PARVB: variants seen among roughly 807,000 people sequenced by gnomAD.
PARVB encodes parvin beta.
In PARVB, 46 loss-of-function variants were observed where a neutral mutation model predicts 47.0. That is an observed-to-expected ratio of 0.98 (90% CI 0.77 to 1.25). The LOEUF is 1.25. Ranked by LOEUF, PARVB falls within the 50% of genes most tolerant of loss-of-function variation. The probability of loss-of-function intolerance (pLI) is 0.00; values close to 1 mark genes in which losing one functional copy is unlikely to be tolerated. For missense variants in PARVB, 473 were observed against 471.6 expected, an observed-to-expected ratio of 1.00 and a Z score of -0.03; for synonymous variants, 196 against 196.3, an observed-to-expected ratio of 1.00 and a Z score of 0.01.
upstream of PARVB, among the ~76,000 whole-genome samples, chr22:44,020,176 C>CTTT (rs60438723): frequency 5.3e-3 from 723 of 136,172 alleles, 9 homozygotes; most frequent in African/African-American, 0.019. Flanking sequence ...ACAGTCACCA[C>CTTT]TTTTTTTTTT....
At chr22:44,060,957 G>T (rs879303721) in intron 1 of PARVB, among the ~76,000 whole-genome samples, 7 of 152,236 alleles carry the variant, frequency 4.6e-5, no homozygotes, top group East Asian at 1.9e-4. Flanking sequence ...TCTTTTTAAA[G>T]ATACGTTATT....
intron 2 of PARVB, among the ~76,000 whole-genome samples, chr22:44,000,887 G>T (rs1041999841): frequency 6.6e-6 from 1 of 152,184 alleles, no homozygotes; most frequent in African/African-American, 2.4e-5. Context: ...CTAGTCATTT[G>T]CAAAATACTG....
chr22:44,092,811 C>T (rs2052203590), intron 1 of PARVB, among the ~76,000 whole-genome samples: 1 of 152,252 alleles, frequency 6.6e-6, no homozygotes, highest in African/African-American at 2.4e-5. Context: ...AGCCATCATG[C>T]CACACCCCCT....
At chr22:44,065,626 C>T (rs1422774883) in intron 1 of PARVB, among the ~76,000 whole-genome samples, 1 of 152,174 alleles carries the variant, frequency 6.6e-6, no homozygotes, top group Non-Finnish European at 1.5e-5. Flanking sequence ...CCTCACCTAC[C>T]TCCCACCCTT....
chr22:44,169,288 C>A lies in PARVB; in HGVS notation c.*610C>A, dbSNP rs1475570074. 6.6e-6 allele frequency: 1 copy of A among 150,472 alleles called. No individual in the cohort carries two copies. The highest frequency in any genetic ancestry group is 1.5e-5 in the Non-Finnish European group (1 of 68,188). 9.3% of individuals were successfully genotyped at this position (150,472 alleles called of 1,614,324 possible). On this transcript the variant is annotated 3_prime_UTR_variant, in exon 13 of 13. Coordinates refer to ENST00000338758, the MANE Select transcript of PARVB (RefSeq NM_013327.5). The stretch of plus-strand genomic sequence containing the variant: ...TCCTCCACCCACATTCCTATCACTT[C>A]TTGGTCACTCGTTTTAATGTAGGTT...
At chr22:44,041,897 A>G (rs1304412972) in intron 1 of PARVB, among the ~76,000 whole-genome samples, 1 of 151,724 alleles carries the variant, frequency 6.6e-6, no homozygotes, top group Non-Finnish European at 1.5e-5. Context: ...AAATAAATAA[A>G]TAAATAAATA....
At chr22:44,040,662 A>G (rs2051002081) in intron 1 of PARVB, among the ~76,000 whole-genome samples, 1 of 152,176 alleles carries the variant, frequency 6.6e-6, no homozygotes, top group Non-Finnish European at 1.5e-5. Flanking sequence ...TGACACCTTG[A>G]TTTTAGCCAG....
rs34476853 is a variant in PARVB at position 44,093,970 on chromosome 22, C to T, written c.155C>T (p.Pro52Leu). 6.1e-5 allele frequency: 98 copies of T among 1,613,676 alleles called. 1 individual carries two copies. In the East Asian group the frequency reaches 7.1e-4, roughly 12 times the overall value. Residue 52 changes from proline (P) to leucine (L), a missense_variant, in exon 2 of 13, where the codon CCG becomes CTG. Coordinates refer to ENST00000338758, the MANE Select transcript of PARVB (RefSeq NM_013327.5). ...QEEGKNAINSPMSPALVDVHP... is the reference protein window; with the variant it reads ...QEEGKNAINSLMSPALVDVHP... Reference sequence around the variant, plus strand: ...GAAGGCAAGAATGCCATCAACTCACCGATGTCCCCCGCCCTGGTGGATGTT... The same window carrying T: ...GAAGGCAAGAATGCCATCAACTCACTGATGTCCCCCGCCCTGGTGGATGTT...
intron 1 of PARVB, chr22:44,086,697 T>G (rs1041195075): frequency 3.2e-6 from 3 of 951,294 alleles, no homozygotes; most frequent in Non-Finnish European, 3.8e-6. Flanking sequence ...AGCTGCAAGA[T>G]CTTCACTGAA....
chr22:44,122,574 G>GACAC (rs1569134611), intron 4 of PARVB, among the ~76,000 whole-genome samples: 4 of 107,490 alleles, frequency 3.7e-5, no homozygotes, highest in African/African-American at 1.6e-4. Context: ...GAGAGAGAGA[G>GACAC]AGAGAGAGAG....
At chr22:44,045,689 C>T (rs759308643) in intron 1 of PARVB, among the ~76,000 whole-genome samples, 13 of 152,204 alleles carry the variant, frequency 8.5e-5, no homozygotes, top group Non-Finnish European at 1.5e-4. Flanking sequence ...GTTGATGCTC[C>T]ATTGAATGAT....
chr22:44,084,742 C>T (rs531856084), intron 1 of PARVB, among the ~76,000 whole-genome samples: 7 of 152,154 alleles, frequency 4.6e-5, no homozygotes, highest in African/African-American at 7.2e-5. Context: ...CTGTGTCCCC[C>T]GAGGCAGCCA....
At position 44,049,614 on chromosome 22, in the gene PARVB, C is replaced by G. The variant is rs1346028164; in HGVS notation, c.112+25163C>G. Among the ~76,000 whole-genome samples, 2 of 152,248 alleles carry G rather than the reference C, an allele frequency of 1.3e-5. No individual in the cohort carries two copies. Among genetic ancestry groups the G allele is most frequent in the South Asian group, 2.1e-4 (1 of 4,836 alleles). On this transcript the variant is annotated intron_variant, in intron 1 of 12. Coordinates refer to ENST00000338758, the MANE Select transcript of PARVB (RefSeq NM_013327.5). This position sits in a 1 kb window ranked among gnomAD's most constrained non-coding sequence, Gnocchi z 4.0. ...AAGCGGCCCCACTCCCAGCACAGCC[C>G]CATTGATTGGCTTTTATTTTCCTCT...
chr22:44,076,850 G>A (rs1460557071), intron 1 of PARVB, among the ~76,000 whole-genome samples: 3 of 152,172 alleles, frequency 2.0e-5, no homozygotes, highest in Non-Finnish European at 2.9e-5. Flanking sequence ...GGCTGGGGCT[G>A]GGTCCTGTGC....
Position 44,170,347 on chromosome 22 carries a change from C to T in PARVB, c.*1669C>T, listed in dbSNP as rs1437585703. On this transcript the variant is annotated 3_prime_UTR_variant, in exon 13 of 13. Coordinates refer to ENST00000338758, the MANE Select transcript of PARVB (RefSeq NM_013327.5). ...GCTGCGGTCCTATTGGATTAGGGCC[C>T]ACTTATATGACCTCATTTAATCTTG... The T allele has an allele frequency of 3.3e-5, 5 of 152,072 alleles. No individual in the cohort carries two copies. The highest frequency in any genetic ancestry group is 7.4e-5 in the Non-Finnish European group (5 of 67,998). The allele number at this position is 152,072 out of a possible 1,614,324, so 9.4% of individuals were successfully genotyped here. A position where few individuals can be genotyped will look rare whatever the true frequency, so the allele number is the denominator to read the frequency against.
At chr22:44,046,090 C>T (rs989470595) in intron 1 of PARVB, among the ~76,000 whole-genome samples, 2 of 152,212 alleles carry the variant, frequency 1.3e-5, no homozygotes, top group Non-Finnish European at 1.5e-5. Context: ...AATTTCCCTT[C>T]GCAATGTTTT....
intron 1 of PARVB, among the ~76,000 whole-genome samples, chr22:44,030,163 C>T (rs1284502930): frequency 1.3e-5 from 2 of 152,230 alleles, no homozygotes; most frequent in Non-Finnish European, 2.9e-5. Context: ...GGGGCCTGCA[C>T]TGCCCCCGCC....
intron 1 of PARVB, among the ~76,000 whole-genome samples, chr22:44,039,146 G>T (rs1381814394): frequency 2.0e-5 from 3 of 152,214 alleles, no homozygotes; most frequent in Non-Finnish European, 4.4e-5. Context: ...GGGATGTGCA[G>T]TGGTGTGGCC....
rs2053853906 is a variant in PARVB at position 44,153,468 on chromosome 22, A to T, written c.843+1917A>T. 2 of 152,010 alleles carry T rather than the reference A, an allele frequency of 1.3e-5. 1 individual carries two copies. The highest frequency in any genetic ancestry group is 4.2e-4 in the South Asian group (2 of 4,814). The allele number at this position is 152,010 out of a possible 1,614,324, so 9.4% of individuals were successfully genotyped here. ...CTCAGCCTCCTGAGTAGCTGGGACT[A>T]CAGGTGCGCCTCACCATGCCTGGCT... On this transcript the variant is annotated intron_variant, in intron 10 of 12. Transcript: ENST00000338758.
Sources: allele counts gnomAD v4.1 joint callset (sites outside exome capture counted in the v4.1 genomes callset), GRCh38; gene constraint gnomAD v4.1.1; non-coding constraint Gnocchi (gnomAD v3.1); transcripts MANE v1.5; gene names NCBI Gene and HGNC (gene_info 2026-07-23, HGNC 2026-07-21).